Variants in IGSF3 observed in about 807,000 individuals in gnomAD.
The protein encoded by IGSF3 is immunoglobulin superfamily member 3, also known as glu-Trp-Ile EWI motif-containing protein 3.
Under a neutral mutation model 114.4 loss-of-function variants are expected in IGSF3, and 23 were observed. The ratio of observed to expected loss-of-function variants is 0.20; its 90% CI spans 0.14 to 0.28. The LOEUF (loss-of-function observed/expected upper bound fraction) is 0.28. Ranked by LOEUF, IGSF3 falls within the 10% of genes least tolerant of loss-of-function variation. IGSF3 has a pLI of 1.00. For missense variants in IGSF3, 1,172 were observed against 1,591.5 expected, an observed-to-expected ratio of 0.74 and a Z score of 4.48; for synonymous variants, 571 against 645.2, an observed-to-expected ratio of 0.88 and a Z score of 1.74.
Position 116,584,878 on chromosome 1 carries a change from C to T in IGSF3, c.2615G>A (p.Arg872His), listed in dbSNP as rs1464803569. 9.9e-6 allele frequency: 16 copies of T among 1,614,118 alleles called. No individual in the cohort carries two copies. The highest frequency in any genetic ancestry group is 1.6e-4 in the Middle Eastern group (1 of 6,084). The stretch of plus-strand genomic sequence containing the variant: ...CTCTCCATAGTGGAAGGTGGCGTCA[C>T]GGCTCAAGCGGGCCACAGTCTCCCG... ...PERETVARLS[R>H]DATFHYGEQA... The change falls in exon 9 of 11, where the codon CGT becomes CAT. Residue 872 changes from arginine to histidine, a missense_variant. Coordinates refer to ENST00000369486, the MANE Select transcript of IGSF3 (RefSeq NM_001007237.3). This position sits in a 1 kb window ranked among gnomAD's most constrained non-coding sequence, Gnocchi z 5.8.
intron 7 of IGSF3, among the ~76,000 whole-genome samples, chr1:116,591,790 G>T (rs1308737719): frequency 6.6e-6 from 1 of 152,180 alleles, no homozygotes; most frequent in Non-Finnish European, 1.5e-5. Context: ...GCCCTGGGCG[G>T]TGTACAGCTT....
chr1:116,608,028 G>A lies in IGSF3; in HGVS notation c.1136C>T (p.Thr379Ile), dbSNP rs1306273920. The A allele has an allele frequency of 1.9e-6, 3 of 1,613,796 alleles. No individual in the cohort carries two copies. Among genetic ancestry groups the A allele is most frequent in the Non-Finnish European group, 2.5e-6 (3 of 1,179,806 alleles). ...CCCGGTCACGGTTTTCTCTCGCTCA[G>A]TCACCCGGCAGTTGTATTTCCCGCT... ...EDSGKYNCRV[T>I]EREKTVTGEF... Residue 379 changes from threonine (T) to isoleucine (I), a missense_variant, in exon 5 of 11, where the codon ACT (threonine) becomes ATT (isoleucine). Physicochemically the swap from Thr to Ile is moderately conservative, Grantham distance 89. Coordinates refer to ENST00000369486, the MANE Select transcript of IGSF3 (RefSeq NM_001007237.3).
At position 116,633,798 on chromosome 1, in the gene IGSF3, T is replaced by C. The variant is rs1235765389; in HGVS notation, c.44-17341A>G. Reference sequence around the variant, plus strand: ...AGAAAGCAAAAATGAAAAGCCAACATAGAAAAAGTCTGACTTGAATTAGAA... The same window carrying C: ...AGAAAGCAAAAATGAAAAGCCAACACAGAAAAAGTCTGACTTGAATTAGAA... On this transcript the variant is annotated intron_variant, in intron 2 of 10. Transcript: ENST00000369486. This position sits in a 1 kb window ranked among gnomAD's most constrained non-coding sequence, Gnocchi z 4.3. 2.6e-5 allele frequency among the ~76,000 whole-genome samples: 4 copies of C among 152,154 alleles called. No individual in the cohort carries two copies. The highest frequency in any genetic ancestry group is 1.3e-4 in the Admixed American group (2 of 15,278).
At chr1:116,626,016 C>T (rs1426627637) in intron 2 of IGSF3, among the ~76,000 whole-genome samples, 1 of 152,152 alleles carries the variant, frequency 6.6e-6, no homozygotes, top group South Asian at 2.1e-4. Flanking sequence ...TAAGCTGCTG[C>T]CTAATTCCCT....
chr1:116,586,987 C>T lies in IGSF3; in HGVS notation c.2440+1707G>A, dbSNP rs967226787. 3.9e-5 allele frequency among the ~76,000 whole-genome samples: 6 copies of T among 152,086 alleles called. No individual in the cohort carries two copies. The South Asian group carries it at 8.3e-4, about 21-fold the overall frequency. On this transcript the variant is annotated intron_variant, in intron 8 of 10. Transcript: ENST00000369486. ...AGCAGAGGTTAGCAGAAAATGCCAC[C>T]GAGAGGCCAGTGAGAATCTCTGGAA...
chr1:116,610,345 A>G lies in IGSF3; in HGVS notation c.833-2014T>C, dbSNP rs1362292987. ...CTCTGGCTTTCTTCTTTCGGCGGCC[A>G]AAGACTCTTCTCATCTCAAGGGAAT... On this transcript the variant is annotated intron_variant, in intron 4 of 10. Coordinates refer to ENST00000369486, the MANE Select transcript of IGSF3 (RefSeq NM_001007237.3). The surrounding 1 kb of genome is among the most constrained non-coding windows in gnomAD (Gnocchi z 4.3). Among the ~76,000 whole-genome samples, 1 of 152,156 alleles carries G rather than the reference A, an allele frequency of 6.6e-6. No homozygotes were observed. The highest frequency in any genetic ancestry group is 2.4e-5 in the African/African-American group (1 of 41,440).
chr1:116,587,645 G>A (rs1659910902), intron 8 of IGSF3, among the ~76,000 whole-genome samples: 1 of 152,184 alleles, frequency 6.6e-6, no homozygotes, highest in African/African-American at 2.4e-5. Context: ...CCATTATTAG[G>A]CTATGTGTTT....
intron 2 of IGSF3, among the ~76,000 whole-genome samples, chr1:116,653,421 C>A (rs1017229325): frequency 6.6e-6 from 1 of 152,206 alleles, no homozygotes; most frequent in Non-Finnish European, 1.5e-5. Flanking sequence ...CAGTTACTTA[C>A]TTCCCCCCAA....
intron 5 of IGSF3, among the ~76,000 whole-genome samples, chr1:116,606,079 G>A (rs1172594855): frequency 1.3e-5 from 2 of 152,230 alleles, no homozygotes. Flanking sequence ...TTCCAGGCCT[G>A]AGAAAAGGCA....
In IGSF3 at chr1:116,616,309, C is replaced by A. The variant is rs369847625; in HGVS notation, c.192G>T (p.Ser64=). ...TGACGATCTGCACCTCTCGCTCTGG[C>A]GACGAAGGCAGGTAAATGGACCACT... ...NFQWSIYLPS[S]PEREVQIVST... is the part of the protein sequence containing the mutation. Residue 64 remains serine, a synonymous_variant, in exon 3 of 11, where the codon TCG becomes TCT. Transcript: ENST00000369486. The surrounding 1 kb of genome is among the most constrained non-coding windows in gnomAD (Gnocchi z 6.6). 9 of 1,611,952 alleles carry A rather than the reference C, an allele frequency of 5.6e-6. No homozygotes were observed. The highest frequency in any genetic ancestry group is 1.3e-5 in the African/African-American group (1 of 74,862).
Position 116,595,605 on chromosome 1 carries a change from C to T in IGSF3, c.2029+4336G>A, listed in dbSNP as rs1350653785. On this transcript the variant is annotated intron_variant, in intron 7 of 10. Coordinates refer to ENST00000369486, the MANE Select transcript of IGSF3 (RefSeq NM_001007237.3). This position sits in a 1 kb window ranked among gnomAD's most constrained non-coding sequence, Gnocchi z 4.2. ...TGACTGCCCATCAGTAAAATCCCAG[C>T]AGAATACACCCTCTGACAAGTCGGC... is the stretch of plus-strand genomic sequence containing the variant. Among the ~76,000 whole-genome samples the T allele has an allele frequency of 1.3e-5, 2 of 152,206 alleles. No individual in the cohort carries two copies. Among genetic ancestry groups the T allele is most frequent in the Non-Finnish European group, 2.9e-5 (2 of 68,026 alleles).
At position 116,638,428 on chromosome 1, in the gene IGSF3, T is replaced by C. The variant is rs1398444241; in HGVS notation, c.44-21971A>G. Among the ~76,000 whole-genome samples the C allele has an allele frequency of 2.0e-5, 3 of 152,200 alleles. No homozygotes were observed. The highest frequency in any genetic ancestry group is 7.2e-5 in the African/African-American group (3 of 41,450). ...TCTCCCACAGCAGTTTCTCACCAGATAAACAAATGGCCAGAGATTCCACTT... is the reference window on the plus strand; with the variant it reads ...TCTCCCACAGCAGTTTCTCACCAGACAAACAAATGGCCAGAGATTCCACTT... On this transcript the variant is annotated intron_variant, in intron 2 of 10. Coordinates refer to ENST00000369486, the MANE Select transcript of IGSF3 (RefSeq NM_001007237.3). The surrounding 1 kb of genome is among the most constrained non-coding windows in gnomAD (Gnocchi z 4.1).
rs907005008 is a variant in IGSF3, at chr1:116,607,324, G to A, written c.1222+618C>T. Among the ~76,000 whole-genome samples the A allele has an allele frequency of 3.3e-5, 5 of 152,092 alleles. No homozygotes were observed. Among genetic ancestry groups the A allele is most frequent in the Non-Finnish European group, 5.9e-5 (4 of 68,020 alleles). The stretch of plus-strand genomic sequence containing the variant: ...CAAGGCCAGTCTACATGAAGGCTGG[G>A]GAGCCCACTGAGGCAGCCTCAGAAA... On this transcript the variant is annotated intron_variant, in intron 5 of 10. Transcript: ENST00000369486. The surrounding 1 kb of genome is among the most constrained non-coding windows in gnomAD (Gnocchi z 6.1).
In IGSF3 at chr1:116,584,964, G is replaced by T; in HGVS notation, c.2529C>A (p.Arg843=). Reference sequence around the variant, plus strand: ...CCATGAGCTGGGAGGTTATGCTGGTGCGGTTGAGAACCACACACTCCAGCT... The same window carrying T: ...CCATGAGCTGGGAGGTTATGCTGGTTCGGTTGAGAACCACACACTCCAGCT... ...QVQLECVVLN[R]TSITSQLMVE... Residue 843 remains arginine, a synonymous_variant, in exon 9 of 11, where the codon CGC becomes CGA. Coordinates refer to ENST00000369486, the MANE Select transcript of IGSF3 (RefSeq NM_001007237.3). This position sits in a 1 kb window ranked among gnomAD's most constrained non-coding sequence, Gnocchi z 5.8. The T allele has an allele frequency of 2.5e-6, 4 of 1,610,536 alleles. No individual in the cohort carries two copies. The highest frequency in any genetic ancestry group is 3.4e-6 in the Non-Finnish European group (4 of 1,177,288).
Position 116,636,287 on chromosome 1 carries a change from ACT to A in IGSF3, c.44-19832_44-19831del, listed in dbSNP as rs1433321605. ...ACTCTTCACGGCTTGGTTTTCATGC[ACT>A]CTGAGTTGGCCCTATCTCCCCTTTT... On this transcript the variant is annotated intron_variant, in intron 2 of 10. Transcript: ENST00000369486. The surrounding 1 kb of genome is among the most constrained non-coding windows in gnomAD (Gnocchi z 4.5). Among the ~76,000 whole-genome samples the A allele has an allele frequency of 2.0e-5, 3 of 151,874 alleles. No homozygotes were observed. Among genetic ancestry groups the A allele is most frequent in the African/African-American group, 7.3e-5 (3 of 41,340 alleles).
At chr1:116,656,133 G>A (rs1245324720) in intron 2 of IGSF3, among the ~76,000 whole-genome samples, 1 of 151,970 alleles carries the variant, frequency 6.6e-6, no homozygotes, top group Non-Finnish European at 1.5e-5. Context: ...TGAACAATAT[G>A]TTCCGCATGA....
At chr1:116,606,426 G>A (rs774468564) in intron 5 of IGSF3, 15 of 1,608,852 alleles carry the variant, frequency 9.3e-6, no homozygotes, top group Admixed American at 8.5e-5. Flanking sequence ...GAGGAAAAGC[G>A]CCATTAAAAT....
In IGSF3 at chr1:116,584,196, A is replaced by G. The variant is rs1338744215; in HGVS notation, c.2848+449T>C. On this transcript the variant is annotated intron_variant, in intron 9 of 10. Transcript: ENST00000369486. The surrounding 1 kb of genome is among the most constrained non-coding windows in gnomAD (Gnocchi z 5.8). ...GGGTGACAGAGTGAGACTCCGTTTC[A>G]AAAAAAAAAAAGTATTGGGAAGTGA... Among the ~76,000 whole-genome samples, 1 of 40,698 alleles carries G rather than the reference A, an allele frequency of 2.5e-5. No individual in the cohort carries two copies. The highest frequency in any genetic ancestry group is 4.3e-5 in the Non-Finnish European group (1 of 23,506). The allele number at this position is 40,698 out of a possible 152,430, so 26.7% of individuals were successfully genotyped here.
Position 116,666,562 on chromosome 1 carries a change from G to C in IGSF3, c.-236C>G. The C allele has an allele frequency of 1.7e-6, 1 of 600,552 alleles. No homozygotes were observed. Among genetic ancestry groups the C allele is most frequent in the Non-Finnish European group, 3.0e-6 (1 of 338,096 alleles). The allele number at this position is 600,552 out of a possible 1,614,324, so 37.2% of individuals were successfully genotyped here. On this transcript the variant is annotated 5_prime_UTR_variant, in exon 2 of 11. Transcript: ENST00000369486. The stretch of plus-strand genomic sequence containing the variant: ...CTACAGGAAGGGTCCACAACAATTC[G>C]GAAGTCGCTCCCGGCTCCTGCCACA...
Sources: allele counts gnomAD v4.1 joint callset (sites outside exome capture counted in the v4.1 genomes callset), GRCh38; gene constraint gnomAD v4.1.1; non-coding constraint Gnocchi (gnomAD v3.1); transcripts MANE v1.5; gene names NCBI Gene and HGNC (gene_info 2026-07-23, HGNC 2026-07-21).